Variants in DLGAP2 observed in about 807,000 individuals in gnomAD.
The protein encoded by DLGAP2 is DLG associated protein 2.
In DLGAP2, 26 loss-of-function variants were observed where a neutral mutation model predicts 100.3. That is an observed-to-expected ratio of 0.26 (90% CI 0.19 to 0.36). The LOEUF (loss-of-function observed/expected upper bound fraction) is 0.36. Ranked by LOEUF, DLGAP2 falls within the 10% of genes least tolerant of loss-of-function variation. The pLI, the probability that DLGAP2 is intolerant of heterozygous loss-of-function variation, is 1.00. For synonymous variants in DLGAP2, 886 were observed against 630.1 expected, an observed-to-expected ratio of 1.41 and a Z score of -6.08; for missense variants, 1,858 against 1,453.2, an observed-to-expected ratio of 1.28 and a Z score of -4.53.
chr8:1,308,370 C>T (rs1357693888), intron 3 of DLGAP2, among the ~76,000 whole-genome samples: 1 of 152,194 alleles, frequency 6.6e-6, no homozygotes, highest in Non-Finnish European at 1.5e-5. Context: ...ACAGACTACA[C>T]CAGCCTTCAA....
chr8:947,140 T>C (rs1799346594), intron 2 of DLGAP2, among the ~76,000 whole-genome samples: 1 of 152,188 alleles, frequency 6.6e-6, no homozygotes, highest in Non-Finnish European at 1.5e-5. Context: ...AGACTGTCTT[T>C]CAATTGAACA....
intron 8 of DLGAP2, among the ~76,000 whole-genome samples, chr8:1,640,031 G>C (rs191602372): frequency 6.6e-6 from 1 of 152,218 alleles, no homozygotes; most frequent in African/African-American, 2.4e-5. Context: ...TTTTGGAGGG[G>C]CGTTATTCTG....
At chr8:842,607 G>A (rs1488656916) in intron 1 of DLGAP2, among the ~76,000 whole-genome samples, 3 of 129,840 alleles carry the variant, frequency 2.3e-5, no homozygotes, top group African/African-American at 8.4e-5. Flanking sequence ...TTCAGGGAAC[G>A]TTTACGAATT....
chr8:1,479,489 A>G (rs1470434585), intron 3 of DLGAP2, among the ~76,000 whole-genome samples: 1 of 152,198 alleles, frequency 6.6e-6, no homozygotes, highest in Non-Finnish European at 1.5e-5. Context: ...ACATCTGAAA[A>G]TTGGATCCAT....
chr8:1,226,587 C>T (rs1448567471), intron 2 of DLGAP2, among the ~76,000 whole-genome samples: 1 of 152,080 alleles, frequency 6.6e-6, no homozygotes. Flanking sequence ...TGTAACAAAC[C>T]TGAATGTCGT....
intron 6 of DLGAP2, chr8:1,622,179 C>G (rs1797361751): frequency 6.6e-6 from 1 of 152,226 alleles, no homozygotes; most frequent in Non-Finnish European, 1.5e-5. Context: ...GTTTAGCGTG[C>G]TCCATTTTCC....
At chr8:785,172 G>A (rs985155334) in intron 1 of DLGAP2, among the ~76,000 whole-genome samples, 4 of 129,574 alleles carry the variant, frequency 3.1e-5, no homozygotes, top group Non-Finnish European at 4.7e-5. Flanking sequence ...AGCAGAGATC[G>A]TGCCACTGCA....
chr8:1,095,901 T>C (rs181696264), intron 2 of DLGAP2, among the ~76,000 whole-genome samples: 1 of 152,328 alleles, frequency 6.6e-6, no homozygotes, highest in Admixed American at 6.5e-5. Context: ...GAATGCATGC[T>C]CTTCCCTAGA....
At chr8:1,314,586 C>T (rs138888403) in intron 3 of DLGAP2, among the ~76,000 whole-genome samples, 40 of 152,270 alleles carry the variant, frequency 2.6e-4, no homozygotes, top group African/African-American at 8.9e-4. Context: ...CCTGTGTCAC[C>T]GCCTCTCAGG....
chr8:1,086,090 C>T lies in DLGAP2; in HGVS notation c.74-172761C>T, dbSNP rs189876011. On this transcript the variant is annotated intron_variant, in intron 2 of 14. Transcript: ENST00000637795. The stretch of plus-strand genomic sequence containing the variant: ...AGTTTATTGTTAGTGTAGAGAAACA[C>T]TAATGACTTTGGCATGTTGATTTTA... Among the ~76,000 whole-genome samples the T allele has an allele frequency of 3.0e-3, 460 of 152,252 alleles. 1 individual carries two copies. Among genetic ancestry groups the T allele is most frequent in the African/African-American group, 0.01 (431 of 41,552 alleles).
chr8:762,184 A>G (rs999894855), intron 1 of DLGAP2, among the ~76,000 whole-genome samples: 5 of 152,198 alleles, frequency 3.3e-5, no homozygotes, highest in East Asian at 3.9e-4. Context: ...GCTTGGCCCA[A>G]TTAGTCCAAC....
chr8:1,124,496 TC>T (rs1796121935), intron 2 of DLGAP2, among the ~76,000 whole-genome samples: 2 of 152,246 alleles, frequency 1.3e-5, no homozygotes, highest in Non-Finnish European at 2.9e-5. Flanking sequence ...TTCCTATGTT[TC>T]TATTTTTATT....
chr8:1,593,820 G>T (rs1445400231), intron 6 of DLGAP2, among the ~76,000 whole-genome samples: 1 of 152,192 alleles, frequency 6.6e-6, no homozygotes, highest in African/African-American at 2.4e-5. Flanking sequence ...TCCCTCCTCA[G>T]CACAGAATAA....
intron 2 of DLGAP2, among the ~76,000 whole-genome samples, chr8:986,513 A>C (rs1800491577): frequency 6.6e-6 from 1 of 152,126 alleles, no homozygotes; most frequent in Non-Finnish European, 1.5e-5. Flanking sequence ...ACTTAGAGTT[A>C]AAAATTACAG....
At chr8:1,322,469 C>T (rs1182604007) in intron 3 of DLGAP2, among the ~76,000 whole-genome samples, 3 of 152,074 alleles carry the variant, frequency 2.0e-5, no homozygotes, top group Non-Finnish European at 4.4e-5. Flanking sequence ...TGCGTGCACC[C>T]GCCCAGCATG....
At chr8:803,398 C>T (rs1267420757) in intron 1 of DLGAP2, among the ~76,000 whole-genome samples, 1 of 152,078 alleles carries the variant, frequency 6.6e-6, no homozygotes, top group East Asian at 1.9e-4. Context: ...ACATCTACCT[C>T]TGCATGTATT....
intron 2 of DLGAP2, among the ~76,000 whole-genome samples, chr8:965,866 C>A (rs1331219366): frequency 6.6e-6 from 1 of 151,470 alleles, no homozygotes; most frequent in Admixed American, 6.6e-5. Context: ...AGCCCGACCC[C>A]CGCATGCACA....
At chr8:1,227,820 C>T (rs779218743) in intron 2 of DLGAP2, among the ~76,000 whole-genome samples, 1 of 152,024 alleles carries the variant, frequency 6.6e-6, no homozygotes, top group East Asian at 1.9e-4. Context: ...GTCTGGAGAT[C>T]TATCATACAA....
chr8:850,376 G>A (rs1270077522), intron 1 of DLGAP2, among the ~76,000 whole-genome samples: 4 of 151,968 alleles, frequency 2.6e-5, no homozygotes, highest in Non-Finnish European at 5.9e-5. Context: ...AAAGATTTCT[G>A]CACTTTGTGC....
Sources: allele counts gnomAD v4.1 joint callset (sites outside exome capture counted in the v4.1 genomes callset), GRCh38; gene constraint gnomAD v4.1.1; transcripts MANE v1.5; gene names NCBI Gene and HGNC (gene_info 2026-07-23, HGNC 2026-07-21).